ADAMTSL1: variants seen among roughly 807,000 people sequenced by gnomAD.
ADAMTSL1 encodes ADAMTS like 1.
ADAMTSL1 carries 126 observed loss-of-function variants against 201.8 expected under a neutral mutation model. The observed-to-expected ratio is 0.62, with a 90% confidence interval of 0.54 to 0.72. The LOEUF (loss-of-function observed/expected upper bound fraction) is 0.72, where lower values mean the gene tolerates loss of function less well. ADAMTSL1 is among the 30% of genes least tolerant of loss of function. The probability of loss-of-function intolerance (pLI) is 0.00; values close to 1 mark genes in which losing one functional copy is unlikely to be tolerated. For synonymous variants in ADAMTSL1, 1,121 were observed against 903.4 expected (o/e 1.24, Z -4.32); for missense variants, 2,679 against 2,277.8 (o/e 1.18, Z -3.59).
chr9:18,749,658 T>G (rs1819350128), intron 15 of ADAMTSL1, among the ~76,000 whole-genome samples: 2 of 152,294 alleles, frequency 1.3e-5, no homozygotes, highest in Non-Finnish European at 2.9e-5. Context: ...GAATAGGGCA[T>G]CAGCCCCCAG....
At chr9:18,383,907 G>A (rs1837672122) in intron 2 of ADAMTSL1, among the ~76,000 whole-genome samples, 1 of 152,144 alleles carries the variant, frequency 6.6e-6, no homozygotes, top group Non-Finnish European at 1.5e-5. Flanking sequence ...TCTGGTTAAT[G>A]CAGATTCTGA....
rs1829002913 is a variant in ADAMTSL1 at position 18,887,903 on chromosome 9, C to T, written c.4322C>T (p.Thr1441Ile). Residue 1441 changes from threonine to isoleucine, a missense_variant, in exon 24 of 29, where the codon ACA (threonine) becomes ATA (isoleucine). Thr to Ile is a moderately conservative substitution (Grantham distance 89). Coordinates refer to ENST00000380548, the MANE Select transcript of ADAMTSL1 (RefSeq NM_001040272.6). ...FHGGQPIVTA[T>I]GLTHHILAAG... ...GGTGGTCAGCCAATTGTCACTGCCA[C>T]AGGACTGACGCATCACATCTTGGCA... The T allele has an allele frequency of 6.2e-7, 1 of 1,613,890 alleles. No individual in the cohort carries two copies. Among genetic ancestry groups the T allele is most frequent in the African/African-American group, 1.3e-5 (1 of 74,922 alleles).
At chr9:18,527,635 G>A (rs1477728900) in intron 2 of ADAMTSL1, among the ~76,000 whole-genome samples, 1 of 152,154 alleles carries the variant, frequency 6.6e-6, no homozygotes, top group Non-Finnish European at 1.5e-5. Context: ...AGGATTTTAA[G>A]AAGTGGAAGT....
At chr9:17,959,691 A>G (rs949789661) in intron 1 of ADAMTSL1, among the ~76,000 whole-genome samples, 17 of 152,084 alleles carry the variant, frequency 1.1e-4, no homozygotes, top group African/African-American at 4.1e-4. Flanking sequence ...CCTGACCTCA[A>G]GTGATCCACC....
At position 18,584,683 on chromosome 9, in the gene ADAMTSL1, G is replaced by T. The variant is rs554283222; in HGVS notation, c.474+10417G>T. On this transcript the variant is annotated intron_variant, in intron 4 of 28. Coordinates refer to ENST00000380548, the MANE Select transcript of ADAMTSL1 (RefSeq NM_001040272.6). ...TAGGGATGCCTAGATAGCTGCTGAAGCATTGTTACCAGGTGTGTCTGTGAG... is the reference window on the plus strand; with the variant it reads ...TAGGGATGCCTAGATAGCTGCTGAATCATTGTTACCAGGTGTGTCTGTGAG... 2.1e-4 allele frequency among the ~76,000 whole-genome samples: 32 copies of T among 152,316 alleles called. No individual in the cohort carries two copies. In the East Asian group the frequency reaches 5.4e-3, roughly 26 times the overall value.
chr9:18,823,271 G>C (rs1337679036), intron 21 of ADAMTSL1, among the ~76,000 whole-genome samples: 1 of 152,150 alleles, frequency 6.6e-6, no homozygotes, highest in African/African-American at 2.4e-5. Context: ...CAGGTCCATG[G>C]TTCCAGGTTT....
chr9:18,294,473 T>C (rs1833394184), intron 2 of ADAMTSL1, among the ~76,000 whole-genome samples: 1 of 152,168 alleles, frequency 6.6e-6, no homozygotes, highest in Non-Finnish European at 1.5e-5. Context: ...TGTGACTGTG[T>C]TTTCCTGGGG....
intron 1 of ADAMTSL1, among the ~76,000 whole-genome samples, chr9:18,092,054 A>C (rs1443660350): frequency 1.3e-5 from 2 of 152,196 alleles, no homozygotes; most frequent in African/African-American, 2.4e-5. Context: ...CTGTAGATAC[A>C]TCTGGGATAC....
chr9:18,292,278 C>T (rs1833303787), intron 2 of ADAMTSL1, among the ~76,000 whole-genome samples: 2 of 152,016 alleles, frequency 1.3e-5, no homozygotes, highest in South Asian at 2.1e-4. Flanking sequence ...GAGAGGTGAA[C>T]AGCAGGTAAT....
intron 25 of ADAMTSL1, among the ~76,000 whole-genome samples, chr9:18,892,031 ATCACTCCACATTCAGCC>A (rs1408387778): frequency 1.3e-5 from 2 of 152,202 alleles, no homozygotes; most frequent in Non-Finnish European, 2.9e-5. Context: ...TTATGGCCAC[ATCACTCCACATTCAGCC>A]TTCATGGTCA....
chr9:18,783,575 G>T (rs1034529203), intron 19 of ADAMTSL1, among the ~76,000 whole-genome samples: 6 of 152,270 alleles, frequency 3.9e-5, no homozygotes, highest in African/African-American at 1.4e-4. Flanking sequence ...GCAAATTACA[G>T]CCAGTGGCTT....
At chr9:18,219,363 A>G (rs527908643) in intron 2 of ADAMTSL1, among the ~76,000 whole-genome samples, 1 of 150,116 alleles carries the variant, frequency 6.7e-6, no homozygotes, top group South Asian at 2.1e-4. Flanking sequence ...TTATTTATTT[A>G]TTTATTTATT....
At position 18,770,706 on chromosome 9, in the gene ADAMTSL1, T is replaced by C. The variant is rs1170774897; in HGVS notation, c.2322T>C (p.Ala774=). 1 of 1,613,734 alleles carries C rather than the reference T, an allele frequency of 6.2e-7. No homozygotes were observed. Among genetic ancestry groups the C allele is most frequent in the African/African-American group, 1.3e-5 (1 of 74,926 alleles). Reference sequence around the variant, plus strand: ...AGCTTCCTGAGACCTTCTGTTCAGCTTCAAAACCTGCCTGCCAGCAAGCAT... The same window carrying C: ...AGCTTCCTGAGACCTTCTGTTCAGCCTCAAAACCTGCCTGCCAGCAAGCAT... ...FLELPETFCS[A]SKPACQQACK... is the part of the protein sequence containing the mutation. The change falls in exon 17 of 29, where the codon GCT becomes GCC. Residue 774 remains alanine (A), a synonymous_variant. Coordinates refer to ENST00000380548, the MANE Select transcript of ADAMTSL1 (RefSeq NM_001040272.6).
chr9:18,359,475 T>C (rs1836404399), intron 2 of ADAMTSL1, among the ~76,000 whole-genome samples: 1 of 152,194 alleles, frequency 6.6e-6, no homozygotes. Flanking sequence ...GTGAGGACAA[T>C]GTTTGACCCA....
chr9:18,576,848 G>C (rs1822768442), intron 4 of ADAMTSL1, among the ~76,000 whole-genome samples: 1 of 151,854 alleles, frequency 6.6e-6, no homozygotes, highest in Admixed American at 6.6e-5. Context: ...AATATTTACA[G>C]TTCTGCATGT....
intron 2 of ADAMTSL1, among the ~76,000 whole-genome samples, chr9:18,404,156 C>T (rs1243080773): frequency 6.6e-6 from 1 of 152,172 alleles, no homozygotes; most frequent in African/African-American, 2.4e-5. Context: ...ATTCTAGTTT[C>T]TCTGACTCTA....
rs1388665524 is a variant in ADAMTSL1 at position 18,399,285 on chromosome 9, A to G, written c.208-105544A>G. On this transcript the variant is annotated intron_variant, in intron 2 of 29. Transcript: ENST00000680146. ...TAGTTCCTCTGTCTGCTTTACATAT[A>G]TATATATATATATATATATATATAT... 2.3e-4 allele frequency among the ~76,000 whole-genome samples: 9 copies of G among 38,780 alleles called. No homozygotes were observed. The South Asian group carries it at 8.7e-3, about 38-fold the overall frequency. 25.4% of individuals were successfully genotyped at this position (38,780 alleles called of 152,430 possible).
intron 15 of ADAMTSL1, among the ~76,000 whole-genome samples, chr9:18,752,863 A>G (rs928492056): frequency 2.0e-5 from 3 of 152,232 alleles, no homozygotes; most frequent in African/African-American, 4.8e-5. Context: ...CCAAAGAATT[A>G]CAAGCATAAA....
At chr9:18,750,906 T>G (rs996973706) in intron 15 of ADAMTSL1, among the ~76,000 whole-genome samples, 1 of 152,222 alleles carries the variant, frequency 6.6e-6, no homozygotes, top group Admixed American at 6.5e-5. Flanking sequence ...ACACGAACTT[T>G]CCTTAAGACT....
Sources: gnomAD v4.1 joint callset for allele counts (sites outside exome capture counted in the v4.1 genomes callset) on GRCh38, gnomAD v4.1.1 for gene constraint, MANE v1.5 for transcripts, NCBI Gene and HGNC (gene_info 2026-07-23, HGNC 2026-07-21) for gene names.